MEIOSIN: variants seen among roughly 807,000 people sequenced by gnomAD.
The protein encoded by MEIOSIN is meiosis initiator, also known as meiosis initiator protein.
A neutral mutation model predicts 23.4 loss-of-function variants in MEIOSIN; 18 were observed. The ratio of observed to expected loss-of-function variants is 0.77; its 90% CI spans 0.53 to 1.14. The LOEUF (loss-of-function observed/expected upper bound fraction) is 1.14, where lower values mean the gene tolerates loss of function less well. Among genes scored for constraint, MEIOSIN ranks in the 50% most tolerant of loss-of-function variants. The probability of loss-of-function intolerance (pLI) is 0.00; values close to 1 mark genes in which losing one functional copy is unlikely to be tolerated. For synonymous variants in MEIOSIN, 187 were observed against 100.6 expected (o/e 1.86, Z -5.14); for missense variants, 428 against 242.9 (o/e 1.76, Z -5.07).
chr19:45,740,316 G>A (rs1166272769), intron 3 of MEIOSIN, among the ~76,000 whole-genome samples: 1 of 152,182 alleles, frequency 6.6e-6, no homozygotes, highest in Non-Finnish European at 1.5e-5. Flanking sequence ...CACAGCAAGC[G>A]GAGGAACTAG....
chr19:45,745,157 T>C (rs934269148), intron 3 of MEIOSIN, 35 bp from the exon 4 acceptor site: 9 of 702,472 alleles, frequency 1.3e-5, no homozygotes, highest in African/African-American at 8.7e-5. Context: ...TCGTTTTGGA[T>C]GTCCTAACCA....
rs1042206454 is a variant in MEIOSIN, at chr19:45,761,986, C to T, written c.1482C>T (p.Asp494=). 18 of 545,000 alleles carry T rather than the reference C, an allele frequency of 3.3e-5. No individual in the cohort carries two copies. The highest frequency in any genetic ancestry group is 1.7e-4 in the African/African-American group (9 of 52,280). The allele number at this position is 545,000 out of a possible 1,614,324, so 33.8% of individuals were successfully genotyped here. Residue 494 remains aspartate (D), a synonymous_variant, in exon 13 of 15, where the codon GAC becomes GAT. Coordinates refer to ENST00000457052, the MANE Select transcript of MEIOSIN (RefSeq NM_001310124.2). ...PVGTPGSSEE[D]EDTTWTPTRL... The stretch of plus-strand genomic sequence containing the variant: ...GCACGCCGGGCTCCAGCGAAGAGGA[C>T]GAAGACACCACATGGACCCCCACCC...
intron 7 of MEIOSIN, 57 bp from the exon 8 acceptor site, chr19:45,755,913 G>T: frequency 1.5e-6 from 1 of 682,920 alleles, no homozygotes; most frequent in Admixed American, 2.1e-5. Context: ...CCCTGCTTCT[G>T]GGCTTCCTGG....
rs2146200996 is a variant in MEIOSIN, at chr19:45,761,800, G to GCTCCAC, written c.1372_1373insCCTCCA (p.Ser457_Ser458insThrSer). On this transcript the variant is annotated inframe_insertion, in exon 12 of 15. Coordinates refer to ENST00000457052, the MANE Select transcript of MEIOSIN (RefSeq NM_001310124.2). The stretch of plus-strand genomic sequence containing the variant: ...AACAGCAAGGCGCCATCCAGCTCCA[G>GCTCCAC]CTCCAGCTCCAGCTCCAGCTCCAGC... 1.4e-6 allele frequency: 1 copy of GCTCCAC among 696,318 alleles called. No individual in the cohort carries two copies. 43.1% of individuals were successfully genotyped at this position (696,318 alleles called of 1,614,324 possible).
intron 11 of MEIOSIN, among the ~76,000 whole-genome samples, chr19:45,760,716 G>T (rs1968920637): frequency 6.6e-6 from 1 of 151,984 alleles, no homozygotes; most frequent in Non-Finnish European, 1.5e-5. Context: ...ATCACCTGAG[G>T]TCAGGAGTTT....
chr19:45,742,133 C>A (rs1280517093), intron 3 of MEIOSIN, among the ~76,000 whole-genome samples: 2 of 152,022 alleles, frequency 1.3e-5, no homozygotes, highest in East Asian at 3.9e-4. Context: ...GCCTTGGCCT[C>A]CCAAAGTGCT....
chr19:45,745,922 G>C (rs534337229), intron 4 of MEIOSIN, among the ~76,000 whole-genome samples: 3 of 152,228 alleles, frequency 2.0e-5, no homozygotes, highest in South Asian at 2.1e-4. Context: ...ATCAGTCTCA[G>C]TGGCTTTTTC....
chr19:45,747,142 C>T (rs1340150847), intron 4 of MEIOSIN, among the ~76,000 whole-genome samples: 3 of 152,170 alleles, frequency 2.0e-5, no homozygotes, highest in African/African-American at 7.2e-5. Context: ...TTGGAATTCT[C>T]CCCAGGCCTC....
At chr19:45,755,885 A>G in intron 7 of MEIOSIN, 85 bp from the exon 8 acceptor site, 1 of 646,630 alleles carries the variant, frequency 1.5e-6, no homozygotes, top group Non-Finnish European at 2.8e-6. Context: ...GTGTGGCAGA[A>G]GCTGGCACCC....
chr19:45,751,457 C>T (rs1600384278), intron 5 of MEIOSIN, among the ~76,000 whole-genome samples: 1 of 151,942 alleles, frequency 6.6e-6, no homozygotes, highest in South Asian at 2.1e-4. Flanking sequence ...CCTGCCAAAC[C>T]TCCCCAGCCT....
intron 7 of MEIOSIN, 137 bp from the exon 8 acceptor site, chr19:45,755,833 C>G: frequency 1.7e-6 from 1 of 603,802 alleles, no homozygotes; most frequent in Non-Finnish European, 3.0e-6. Context: ...ACGTGACACC[C>G]TGCATCCTGA....
At chr19:45,742,304 C>T (rs1373049946) in intron 3 of MEIOSIN, among the ~76,000 whole-genome samples, 3 of 152,072 alleles carry the variant, frequency 2.0e-5, no homozygotes, top group Non-Finnish European at 4.4e-5. Context: ...CTGCACCCAG[C>T]CTTGTCTCTA....
intron 6 of MEIOSIN, 114 bp from the exon 7 acceptor site, chr19:45,754,365 A>C (rs1968773490): frequency 1.6e-6 from 1 of 610,152 alleles, no homozygotes; most frequent in Admixed American, 2.8e-5. Flanking sequence ...GCATTCCCAT[A>C]CCAGGCCAGG....
chr19:45,740,686 GT>G (rs1968486012), intron 3 of MEIOSIN, among the ~76,000 whole-genome samples: 1 of 151,626 alleles, frequency 6.6e-6, no homozygotes, highest in African/African-American at 2.4e-5. Flanking sequence ...GGAGACGGAG[GT>G]TGCAGTGAGC....
intron 9 of MEIOSIN, among the ~76,000 whole-genome samples, chr19:45,758,274 G>A (rs1163085328): frequency 2.6e-5 from 4 of 152,036 alleles, no homozygotes; most frequent in East Asian, 1.9e-4. Context: ...GATTATAGGC[G>A]TGAGCCCCCG....
At chr19:45,763,146 C>T (rs181946386) in intron 13 of MEIOSIN, among the ~76,000 whole-genome samples, 192 bp from the exon 14 acceptor site, 2 of 152,312 alleles carry the variant, frequency 1.3e-5, no homozygotes, top group Admixed American at 6.5e-5. Context: ...GCGGTGCCCA[C>T]AGGTCCCCTG....
At chr19:45,744,545 C>T (rs1968559620) in intron 3 of MEIOSIN, among the ~76,000 whole-genome samples, 1 of 152,024 alleles carries the variant, frequency 6.6e-6, no homozygotes, top group Non-Finnish European at 1.5e-5. Context: ...CCTCAGCCTC[C>T]CCAGTAGCTG....
chr19:45,764,114 A>G lies in MEIOSIN; in HGVS notation c.1913A>G (p.Gln638Arg). 7.5e-6 allele frequency: 3 copies of G among 398,568 alleles called. No homozygotes were observed. Among genetic ancestry groups the G allele is most frequent in the Non-Finnish European group, 1.3e-5 (3 of 226,024 alleles). The allele number at this position is 398,568 out of a possible 1,614,324, so 24.7% of individuals were successfully genotyped here. A position where few individuals can be genotyped will look rare whatever the true frequency, so the allele number is the denominator to read the frequency against. ...EKALPLPPHL[Q>R] ...GCCTTGCCGCTGCCCCCGCACCTCC[A>G]GTGAGAGGGCGGCCCCTCGCCTCGC... Residue 638 changes from glutamine (Q) to arginine (R), a missense_variant, in exon 15 of 15, where the codon CAG (glutamine) becomes CGG (arginine). Physicochemically the swap from Gln to Arg is conservative, Grantham distance 43. Transcript: ENST00000457052.
chr19:45,748,345 G>T (rs1442461768), intron 4 of MEIOSIN, among the ~76,000 whole-genome samples: 2 of 152,208 alleles, frequency 1.3e-5, no homozygotes, highest in African/African-American at 2.4e-5. Context: ...CTCTGAAAGT[G>T]CTGGGATTAC....
Sources: gnomAD v4.1 joint callset for allele counts (sites outside exome capture counted in the v4.1 genomes callset) on GRCh38, gnomAD v4.1.1 for gene constraint, MANE v1.5 for transcripts, NCBI Gene and HGNC (gene_info 2026-07-23, HGNC 2026-07-21) for gene names.